SELENOF: variants seen among roughly 807,000 people sequenced by gnomAD.
SELENOF encodes 15 kDa selenoprotein.
A neutral mutation model predicts 20.5 loss-of-function variants in SELENOF; 16 were observed. That is an observed-to-expected ratio of 0.78 (90% confidence interval 0.53 to 1.19). The LOEUF is 1.19. Among genes scored for constraint, SELENOF ranks in the 50% most tolerant of loss-of-function variants. SELENOF has a pLI of 0.00. For synonymous variants in SELENOF, 78 were observed against 74.5 expected, an observed-to-expected ratio of 1.05 and a Z score of -0.24; for missense variants, 215 against 194.2, an observed-to-expected ratio of 1.11 and a Z score of -0.64.
intron 3 of SELENOF, among the ~76,000 whole-genome samples, chr1:86,876,141 T>C (rs896582869): frequency 6.6e-6 from 1 of 151,310 alleles, no homozygotes; most frequent in Non-Finnish European, 1.5e-5. Context: ...CCTAATCCTT[T>C]TGGATAAAGA....
chr1:86,907,814 T>C (rs1228051450), intron 1 of SELENOF, among the ~76,000 whole-genome samples: 4 of 151,980 alleles, frequency 2.6e-5, no homozygotes, highest in Non-Finnish European at 4.4e-5. Context: ...TGAAACCCCG[T>C]CTCTACTAAT....
chr1:86,888,145 AG>A (rs1177110725), intron 2 of SELENOF, among the ~76,000 whole-genome samples: 3 of 151,964 alleles, frequency 2.0e-5, no homozygotes, highest in Non-Finnish European at 2.9e-5. Context: ...CTGTAATCCC[AG>A]CTACTGGGCA....
chr1:86,898,179 G>A (rs186033496), intron 2 of SELENOF, among the ~76,000 whole-genome samples: 2 of 152,284 alleles, frequency 1.3e-5, no homozygotes, highest in Non-Finnish European at 2.9e-5. Context: ...TTATACCCGG[G>A]TTGTGAGCAA....
intron 2 of SELENOF, among the ~76,000 whole-genome samples, chr1:86,888,032 G>C (rs1659271645): frequency 6.6e-6 from 1 of 152,128 alleles, no homozygotes; most frequent in African/African-American, 2.4e-5. Flanking sequence ...AGGCCGAGGT[G>C]GGCTGATCAC....
At chr1:86,911,752 G>A (rs1352674140) in intron 1 of SELENOF, among the ~76,000 whole-genome samples, 3 of 151,424 alleles carry the variant, frequency 2.0e-5, no homozygotes, top group Admixed American at 2.0e-4. Flanking sequence ...ATTGAATTCA[G>A]ACAGTGAAAG....
At chr1:86,891,017 A>G (rs1466187227) in intron 2 of SELENOF, among the ~76,000 whole-genome samples, 1 of 150,438 alleles carries the variant, frequency 6.6e-6, no homozygotes, top group African/African-American at 2.4e-5. Flanking sequence ...TCATATCAAC[A>G]GTATTCTGGC....
chr1:86,867,032 C>T (rs1020408680), intron 4 of SELENOF, among the ~76,000 whole-genome samples: 13 of 152,106 alleles, frequency 8.5e-5, no homozygotes, highest in African/African-American at 2.9e-4. Flanking sequence ...CTCAAAATTG[C>T]CCCAAATTGG....
chr1:86,899,744 T>A (rs1159679211), intron 2 of SELENOF, among the ~76,000 whole-genome samples: 3 of 151,002 alleles, frequency 2.0e-5, no homozygotes, highest in Non-Finnish European at 4.4e-5. Flanking sequence ...GCTCCTCACT[T>A]CCCAGACGGG....
chr1:86,882,177 AG>A (rs1357969066), intron 2 of SELENOF, among the ~76,000 whole-genome samples: 3 of 144,568 alleles, frequency 2.1e-5, no homozygotes, highest in African/African-American at 7.6e-5. Context: ...GGTTGCAGTG[AG>A]CCGAAGGTTG....
chr1:86,885,199 G>C (rs967504232), intron 2 of SELENOF, among the ~76,000 whole-genome samples: 21 of 152,214 alleles, frequency 1.4e-4, no homozygotes, highest in African/African-American at 4.6e-4. Context: ...AAAAAAATCT[G>C]AAATCCAAAA....
At chr1:86,870,043 G>T (rs1658719289) in intron 3 of SELENOF, among the ~76,000 whole-genome samples, 1 of 152,152 alleles carries the variant, frequency 6.6e-6, no homozygotes, top group African/African-American at 2.4e-5. Flanking sequence ...AAAGTGCTGG[G>T]ATTATAGGCG....
rs561065 is a variant in SELENOF, at chr1:86,896,084, C to T, written c.252+7197G>A. Among the ~76,000 whole-genome samples, 835 of 152,040 alleles carry T rather than the reference C, an allele frequency of 5.5e-3. 7 individuals are homozygous for T. Among genetic ancestry groups the T allele is most frequent in the African/African-American group, 0.019 (801 of 41,464 alleles). ...CTCTACTAAAAATACAAAAACTAGC[C>T]GGGTGTGTTGGCAGGTGCCTGGAAT... is the stretch of plus-strand genomic sequence containing the variant. On this transcript the variant is annotated intron_variant, in intron 2 of 4. Coordinates refer to ENST00000331835, the MANE Select transcript of SELENOF (RefSeq NM_004261.5).
chr1:86,904,986 A>G (rs1434312471), intron 1 of SELENOF, among the ~76,000 whole-genome samples: 1 of 152,256 alleles, frequency 6.6e-6, no homozygotes, highest in Non-Finnish European at 1.5e-5. Context: ...TCCAAAGCCA[A>G]CAGTCCACTC....
At chr1:86,893,416 G>A (rs1471495455) in intron 2 of SELENOF, among the ~76,000 whole-genome samples, 1 of 148,228 alleles carries the variant, frequency 6.7e-6, no homozygotes, top group Non-Finnish European at 1.5e-5. Context: ...GACCATCCTG[G>A]CCAACATGGT....
At chr1:86,905,948 G>C (rs2102129466) in intron 1 of SELENOF, among the ~76,000 whole-genome samples, 1 of 152,320 alleles carries the variant, frequency 6.6e-6, no homozygotes, top group Non-Finnish European at 1.5e-5. Context: ...AAACTGGGTT[G>C]ACTGAATTTG....
rs1406324584 is a variant in SELENOF at position 86,863,257 on chromosome 1, TGCA to T, written c.*214_*216del. 2.4e-6 allele frequency: 1 copy of T among 410,578 alleles called. No individual in the cohort carries two copies. Among genetic ancestry groups the T allele is most frequent in the Non-Finnish European group, 4.3e-6 (1 of 231,544 alleles). 25.4% of individuals were successfully genotyped at this position (410,578 alleles called of 1,614,324 possible). The stretch of plus-strand genomic sequence containing the variant: ...GCATTTTGTTAGTGGTATCAACAAA[TGCA>T]GGAGGATGGACATTTATAAAAAATG... On this transcript the variant is annotated 3_prime_UTR_variant, in exon 5 of 5. Transcript: ENST00000331835.
intron 1 of SELENOF, among the ~76,000 whole-genome samples, chr1:86,912,171 G>C (rs1464411096): frequency 6.6e-6 from 1 of 152,278 alleles, no homozygotes; most frequent in Non-Finnish European, 1.5e-5. Flanking sequence ...GAACCAAGAC[G>C]CTGTTATTTC....
chr1:86,902,208 T>C (rs1659720501), intron 2 of SELENOF, among the ~76,000 whole-genome samples: 1 of 152,236 alleles, frequency 6.6e-6, no homozygotes, highest in African/African-American at 2.4e-5. Flanking sequence ...GAATAACTTA[T>C]ATGTAAAGAA....
chr1:86,896,253 A>AGGGGGG (rs1397035502), intron 2 of SELENOF, among the ~76,000 whole-genome samples: 2 of 103,592 alleles, frequency 1.9e-5, no homozygotes, highest in Admixed American at 1.1e-4. Context: ...CAAAACAAAG[A>AGGGGGG]GGGGGGGAGG....
Sources: allele counts gnomAD v4.1 joint callset (sites outside exome capture counted in the v4.1 genomes callset), GRCh38; gene constraint gnomAD v4.1.1; transcripts MANE v1.5; gene names NCBI Gene and HGNC (gene_info 2026-07-23, HGNC 2026-07-21).